Variants in PFKFB3 observed in about 807,000 individuals in gnomAD.
PFKFB3 encodes 6-phosphofructo-2-kinase/fructose-2,6-bisphosphatase 3.
A neutral mutation model predicts 68.0 loss-of-function variants in PFKFB3; 33 were observed. The ratio of observed to expected loss-of-function variants is 0.49; its 90% CI spans 0.37 to 0.65. The LOEUF (loss-of-function observed/expected upper bound fraction) is 0.65, where lower values mean the gene tolerates loss of function less well. Among genes scored for constraint, PFKFB3 ranks in the 30% least tolerant of loss-of-function variants. The pLI is 0.00. For missense variants in PFKFB3, 586 were observed against 712.2 expected, an observed-to-expected ratio of 0.82 and a Z score of 2.02; for synonymous variants, 315 against 288.2, an observed-to-expected ratio of 1.09 and a Z score of -0.94.
At position 6,222,885 on chromosome 10, in the gene PFKFB3, C is replaced by G. The variant is rs753660268; in HGVS notation, c.1114C>G (p.Pro372Ala). 1 of 1,613,880 alleles carries G rather than the reference C, an allele frequency of 6.2e-7. No individual in the cohort carries two copies. Among genetic ancestry groups the G allele is most frequent in the East Asian group, 2.2e-5 (1 of 44,866 alleles). ...CCAGGACCTGGTCCAGCGCTTGGAG[C>G]CAGTGATCATGGAGCTGGAGCGGCA... is the stretch of plus-strand genomic sequence containing the variant. Reference protein sequence around the residue: ...SYQDLVQRLEPVIMELERQEN... With the variant: ...SYQDLVQRLEAVIMELERQEN... The change falls in exon 11 of 15, where the codon CCA (proline) becomes GCA (alanine). Residue 372 changes from proline (P) to alanine (A), a missense_variant. Transcript: ENST00000379775.
rs1032306417 is a variant in PFKFB3 at position 6,233,059 on chromosome 10, C to T, written c.*117C>T. ...TTCCGGAGAGGGTGGGGTGGAGCAGCGGGGGAGCCTTGGCCGAAGAGAACC... is the reference window on the plus strand; with the variant it reads ...TTCCGGAGAGGGTGGGGTGGAGCAGTGGGGGAGCCTTGGCCGAAGAGAACC... On this transcript the variant is annotated 3_prime_UTR_variant, in exon 15 of 15. Coordinates refer to ENST00000379775, the MANE Select transcript of PFKFB3 (RefSeq NM_004566.4). 8.6e-6 allele frequency: 7 copies of T among 809,928 alleles called. No homozygotes were observed. Among genetic ancestry groups the T allele is most frequent in the Middle Eastern group, 5.5e-4 (2 of 3,620 alleles). The allele number at this position is 809,928 out of a possible 1,614,324, so 50.2% of individuals were successfully genotyped here.
intron 1 of PFKFB3, among the ~76,000 whole-genome samples, chr10:6,172,336 G>A (rs1842340107): frequency 6.6e-6 from 1 of 152,224 alleles, no homozygotes; most frequent in African/African-American, 2.4e-5. Flanking sequence ...AGGAGTCCAA[G>A]CTGGGTGCAG....
chr10:6,312,695 T>C, the PFKFB3 span, among the ~76,000 whole-genome samples: 2 of 152,228 alleles, frequency 1.3e-5, no homozygotes, highest in Middle Eastern at 3.2e-3. Context: ...AGCAGATTTT[T>C]ATTAGTCATT....
At chr10:6,253,178 A>G (rs1390407126) in intron 14 of PFKFB3, among the ~76,000 whole-genome samples, 2 of 152,212 alleles carry the variant, frequency 1.3e-5, no homozygotes, top group Admixed American at 1.3e-4. Flanking sequence ...TCGGCCTCCT[A>G]AAGTGCTGGG....
At chr10:6,250,320 C>G (rs1353764681) in intron 14 of PFKFB3, among the ~76,000 whole-genome samples, 1 of 152,118 alleles carries the variant, frequency 6.6e-6, no homozygotes, top group Non-Finnish European at 1.5e-5. Context: ...AATCCCAGCA[C>G]TTTGGGAGGC....
At chr10:6,163,202 C>G (rs1017204684) in intron 1 of PFKFB3, among the ~76,000 whole-genome samples, 2 of 152,152 alleles carry the variant, frequency 1.3e-5, no homozygotes, top group African/African-American at 2.4e-5. Context: ...GGAGATCAGA[C>G]ATTCAATGCA....
chr10:6,285,185 T>C, the PFKFB3 span, among the ~76,000 whole-genome samples: 2 of 152,156 alleles, frequency 1.3e-5, no homozygotes, highest in African/African-American at 4.8e-5. Context: ...AGCAGTACCA[T>C]TTTCATTTCT....
upstream of PFKFB3, among the ~76,000 whole-genome samples, chr10:6,201,586 C>A (rs913164504): frequency 2.0e-5 from 3 of 151,502 alleles, no homozygotes; most frequent in Non-Finnish European, 4.4e-5. This position sits in a 1 kb window ranked among gnomAD's most constrained non-coding sequence, Gnocchi z 4.1. Context: ...GCGCGCGGGG[C>A]GGGAGCAGCC....
rs1029784724 is a variant in PFKFB3, at chr10:6,228,354, G to A, written c.1515+1989G>A. 1.1e-5 allele frequency: 10 copies of A among 919,134 alleles called. No individual in the cohort carries two copies. The highest frequency in any genetic ancestry group is 1.1e-4 in the South Asian group (8 of 74,760). The allele number at this position is 919,134 out of a possible 1,614,324, so 56.9% of individuals were successfully genotyped here. On this transcript the variant is annotated intron_variant, in intron 14 of 14. Transcript: ENST00000379775. The surrounding 1 kb of genome is among the most constrained non-coding windows in gnomAD (Gnocchi z 4.5). The stretch of plus-strand genomic sequence containing the variant: ...GTCTTCCGTGGGGGAAGGAGGAGAT[G>A]GGCGTAGGAGTAGGGAGGAGAGATT...
At chr10:6,182,525 C>T (rs1489201584) in intron 1 of PFKFB3, among the ~76,000 whole-genome samples, 1 of 152,226 alleles carries the variant, frequency 6.6e-6, no homozygotes, top group Admixed American at 6.5e-5. Flanking sequence ...CTTCGCCAGA[C>T]CTCCCAGGCC....
chr10:6,178,513 G>C (rs1270557253), intron 1 of PFKFB3, among the ~76,000 whole-genome samples: 2 of 152,030 alleles, frequency 1.3e-5, no homozygotes, highest in Non-Finnish European at 2.9e-5. Flanking sequence ...GAGGGGACTT[G>C]GGTCAGGGTC....
chr10:6,248,583 C>G (rs200171500), intron 14 of PFKFB3, among the ~76,000 whole-genome samples: 1 of 127,008 alleles, frequency 7.9e-6, no homozygotes, highest in Non-Finnish European at 1.6e-5. Context: ...GAGCTGAGAT[C>G]GTGCCACTGG....
chr10:6,145,062 T>G (rs1841331753), intron 1 of PFKFB3: 1 of 1,290,408 alleles, frequency 7.7e-7, no homozygotes, highest in Non-Finnish European at 9.8e-7. Context: ...CGCGGGGACC[T>G]GAGCGGCCGC....
At chr10:6,208,109 C>T (rs1843913333) in intron 1 of PFKFB3, among the ~76,000 whole-genome samples, 1 of 152,140 alleles carries the variant, frequency 6.6e-6, no homozygotes, top group Admixed American at 6.5e-5. Flanking sequence ...CAGGGTCTCA[C>T]TGTCACCCAG....
At chr10:6,185,248 A>G (rs1480765353) in intron 1 of PFKFB3, among the ~76,000 whole-genome samples, 2 of 152,166 alleles carry the variant, frequency 1.3e-5, no homozygotes, top group Non-Finnish European at 2.9e-5. Flanking sequence ...GGTGGATTAC[A>G]GAAAGAACTG....
At chr10:6,152,828 C>A (rs1265629274) in intron 1 of PFKFB3, among the ~76,000 whole-genome samples, 1 of 152,062 alleles carries the variant, frequency 6.6e-6, no homozygotes, top group African/African-American at 2.4e-5. Context: ...CTGCAGTGAG[C>A]CTTGATCGTA....
chr10:6,276,432 C>G, the PFKFB3 span, among the ~76,000 whole-genome samples: 4 of 151,198 alleles, frequency 2.6e-5, no homozygotes, highest in African/African-American at 9.7e-5. Context: ...CAAAAAATGC[C>G]AAAAAGAGAA....
At chr10:6,145,441 G>A (rs538816232) in intron 1 of PFKFB3, among the ~76,000 whole-genome samples, 74 of 152,262 alleles carry the variant, frequency 4.9e-4, no homozygotes, top group Admixed American at 3.4e-3. Flanking sequence ...CACTTGCAGC[G>A]AATTCCCGCT....
chr10:6,150,902 G>A (rs1254713137), intron 1 of PFKFB3, among the ~76,000 whole-genome samples: 1 of 151,882 alleles, frequency 6.6e-6, no homozygotes, highest in African/African-American at 2.4e-5. Flanking sequence ...CGGAGGCTGA[G>A]GCAGGAGAAC....
Sources: allele counts gnomAD v4.1 joint callset (sites outside exome capture counted in the v4.1 genomes callset), GRCh38; gene constraint gnomAD v4.1.1; non-coding constraint Gnocchi (gnomAD v3.1); transcripts MANE v1.5; gene names NCBI Gene and HGNC (gene_info 2026-07-23, HGNC 2026-07-21).